The following TENM2 variants were observed in gnomAD, a reference collection of about 807,000 sequenced individuals.
TENM2 encodes the protein teneurin transmembrane protein 2.
In TENM2, 52 loss-of-function variants were observed where a neutral mutation model predicts 245.2. The observed-to-expected ratio is 0.21, with a 90% CI of 0.17 to 0.27. TENM2 has a LOEUF of 0.27. Ranked by LOEUF, TENM2 falls within the 10% of genes least tolerant of loss-of-function variation. The pLI is 1.00. For synonymous variants in TENM2, 1,363 were observed against 1,438.9 expected, an observed-to-expected ratio of 0.95 and a Z score of 1.19; for missense variants, 3,046 against 3,666.8, an observed-to-expected ratio of 0.83 and a Z score of 4.37.
At chr5:168,224,676 C>T (rs1763997215) in intron 23 of TENM2, among the ~76,000 whole-genome samples, 1 of 152,202 alleles carries the variant, frequency 6.6e-6, no homozygotes, top group South Asian at 2.1e-4. Context: ...CAGTTCCCAT[C>T]CCTCAGACCC....
chr5:168,073,891 C>T (rs1054476113), intron 7 of TENM2, among the ~76,000 whole-genome samples: 4 of 152,212 alleles, frequency 2.6e-5, no homozygotes, highest in Admixed American at 1.3e-4. Context: ...ATTTACTGAG[C>T]ACCTATATGC....
At chr5:168,183,654 C>T (rs1760128505) in intron 13 of TENM2, among the ~76,000 whole-genome samples, 1 of 152,096 alleles carries the variant, frequency 6.6e-6, no homozygotes, top group South Asian at 2.1e-4. Context: ...TTGCTTCTTC[C>T]CTCCTTTTTA....
chr5:167,721,072 A>C (rs1422865290), intron 2 of TENM2, among the ~76,000 whole-genome samples: 2 of 152,176 alleles, frequency 1.3e-5, no homozygotes, highest in Non-Finnish European at 2.9e-5. Flanking sequence ...CTTATATCCT[A>C]TCTCTCTTTT....
At chr5:168,038,614 A>G (rs750042968) in intron 5 of TENM2, among the ~76,000 whole-genome samples, 10 of 152,224 alleles carry the variant, frequency 6.6e-5, no homozygotes, top group Non-Finnish European at 1.2e-4. Context: ...GTTAGTTGTT[A>G]TCATAGCTAA....
At chr5:167,913,259 A>G (rs918927950) in intron 3 of TENM2, among the ~76,000 whole-genome samples, 2 of 152,112 alleles carry the variant, frequency 1.3e-5, no homozygotes, top group Non-Finnish European at 2.9e-5. Flanking sequence ...TCCTCTTTGC[A>G]TGGGATTTCA....
At chr5:168,127,072 C>T in intron 12 of TENM2, 106 bp downstream of exon 14, 1 of 975,254 alleles carries the variant, frequency 1.0e-6, no homozygotes, top group Non-Finnish European at 1.6e-6. Context: ...TTTCCTGCTG[C>T]CCCTCCAAAT....
intron 1 of TENM2, among the ~76,000 whole-genome samples, chr5:167,291,449 G>C (rs533892197): frequency 1.3e-5 from 2 of 152,268 alleles, no homozygotes; most frequent in East Asian, 1.9e-4. Flanking sequence ...TCTTTGGAGC[G>C]ATCTCTTTGA....
At chr5:167,273,262 A>G in the TENM2 span, among the ~76,000 whole-genome samples, 1 of 152,180 alleles carries the variant, frequency 6.6e-6, no homozygotes, top group African/African-American at 2.4e-5. Flanking sequence ...GGAATGTAAC[A>G]GAATAAAGCC....
At chr5:167,034,457 C>T in the TENM2 span, among the ~76,000 whole-genome samples, 1 of 151,818 alleles carries the variant, frequency 6.6e-6, no homozygotes, top group East Asian at 2.0e-4. Context: ...GGTGAAACCC[C>T]GTCTCTACTA....
At chr5:167,209,257 T>TATTTTTAGTA in the TENM2 span, among the ~76,000 whole-genome samples, 1 of 151,254 alleles carries the variant, frequency 6.6e-6, no homozygotes, top group African/African-American at 2.4e-5. Context: ...AAAAGTTAGC[T>TATTTTTAGTA]ATTTTTAGTA....
In TENM2 at chr5:167,656,440, C is replaced by T. The variant is rs553589457; in HGVS notation, c.503-219546C>T. The stretch of plus-strand genomic sequence containing the variant: ...GAGGACCAGAAAGAAGGCCAGTATG[C>T]CTGGGACAGTGAGCAAAGGCATGGT... On this transcript the variant is annotated intron_variant, in intron 2 of 28. Transcript: ENST00000518659. Among the ~76,000 whole-genome samples, 8 of 152,136 alleles carry T rather than the reference C, an allele frequency of 5.3e-5. No homozygotes were observed. In the East Asian group the frequency reaches 1.5e-3, roughly 29 times the overall value.
chr5:167,400,010 C>T (rs978356207), intron 2 of TENM2, among the ~76,000 whole-genome samples: 3 of 152,020 alleles, frequency 2.0e-5, no homozygotes, highest in Non-Finnish European at 2.9e-5. Context: ...AAGGAAAATA[C>T]TAGAAAGTTA....
intron 2 of TENM2, among the ~76,000 whole-genome samples, chr5:167,555,358 A>T: frequency 6.6e-6 from 1 of 152,126 alleles, no homozygotes; most frequent in East Asian, 1.9e-4. Flanking sequence ...TACTATGGTA[A>T]TTTTTCCCTT....
chr5:168,199,050 C>T, exon 16 of TENM2: 1 of 1,613,968 alleles, frequency 6.2e-7, no homozygotes, highest in Non-Finnish European at 8.5e-7. Flanking sequence ...ATCATCATCT[C>T]CTCCCCACTG....
intron 2 of TENM2, among the ~76,000 whole-genome samples, chr5:167,706,426 C>A (rs1195345059): frequency 6.7e-6 from 1 of 149,034 alleles, no homozygotes; most frequent in African/African-American, 2.5e-5. Context: ...TGACACTGTA[C>A]ATATATATAA....
rs368970011 is a variant in TENM2 at position 167,449,826 on chromosome 5, C to A, written c.502+74353C>A. On this transcript the variant is annotated intron_variant, in intron 2 of 28. Transcript: ENST00000518659. ...TACAAAAATGAGCCATGCATAGTGG[C>A]GCGTACCTTTAATCCCAGCTACTCA... is the stretch of plus-strand genomic sequence containing the variant. 6.6e-5 allele frequency among the ~76,000 whole-genome samples: 10 copies of A among 152,164 alleles called. No homozygotes were observed. In the South Asian group the frequency reaches 1.5e-3, roughly 22 times the overall value.
intron 2 of TENM2, chr5:167,573,885 AAAAAG>A (rs1384467147): frequency 2.0e-5 from 3 of 152,118 alleles, no homozygotes; most frequent in South Asian, 4.2e-4. Flanking sequence ...TGGAAAAAAA[AAAAAG>A]AAAAGAAAAA....
the TENM2 span, among the ~76,000 whole-genome samples, chr5:167,131,444 G>A: frequency 6.6e-6 from 1 of 152,052 alleles, no homozygotes; most frequent in Non-Finnish European, 1.5e-5. Flanking sequence ...TCCCTTTGAT[G>A]GAGCCTAGGG....
At chr5:167,545,517 G>A (rs1445427607) in intron 2 of TENM2, among the ~76,000 whole-genome samples, 1 of 152,032 alleles carries the variant, frequency 6.6e-6, no homozygotes, top group South Asian at 2.1e-4. Flanking sequence ...TAATTGTCAC[G>A]GCTCCCAAAT....
Sources: allele counts gnomAD v4.1 joint callset (sites outside exome capture counted in the v4.1 genomes callset), GRCh38; gene constraint gnomAD v4.1.1; transcripts MANE v1.5; gene names NCBI Gene and HGNC (gene_info 2026-07-23, HGNC 2026-07-21).